PHF13: variants seen among roughly 807,000 people sequenced by gnomAD.
The protein encoded by PHF13 is PHD finger protein 13, also known as PHD zinc finger protein PHF5.
In PHF13, 1 loss-of-function variant was observed where a neutral mutation model predicts 25.8. The observed-to-expected ratio is 0.04, with a 90% CI of 0.01 to 0.18. The LOEUF (loss-of-function observed/expected upper bound fraction) is 0.18. Among genes scored for constraint, PHF13 ranks in the 10% least tolerant of loss-of-function variants. PHF13 has a pLI of 1.00. For synonymous variants in PHF13, 195 were observed against 162.4 expected (o/e 1.20, Z -1.53); for missense variants, 306 against 403.2 (o/e 0.76, Z 2.06).
intron 1 of PHF13, chr1:6,614,313 G>C: frequency 1.9e-6 from 1 of 512,904 alleles, no homozygotes; most frequent in Non-Finnish European, 3.3e-6. Context: ...CGTCCCCTCC[G>C]CGGACCTCCG....
At chr1:6,616,928 G>A in intron 2 of PHF13, 70 bp downstream of exon 2, 1 of 1,385,226 alleles carries the variant, frequency 7.2e-7, no homozygotes, top group Non-Finnish European at 1.0e-6. Context: ...GCAAGTTCGT[G>A]GGCTTCTGAC....
intron 2 of PHF13, among the ~76,000 whole-genome samples, chr1:6,617,472 C>G (rs573829149): frequency 5.3e-5 from 8 of 152,306 alleles, no homozygotes; most frequent in Non-Finnish European, 1.0e-4. Flanking sequence ...GAGTCTGGCT[C>G]TGTCGCCCAG....
Position 6,620,259 on chromosome 1 carries a change from A to G in PHF13, c.598A>G (p.Ile200Val), listed in dbSNP as rs1249855112. The G allele has an allele frequency of 5.0e-6, 8 of 1,613,904 alleles. No individual in the cohort carries two copies. The highest frequency in any genetic ancestry group is 2.2e-5 in the East Asian group (1 of 44,902). ...KEIKTEGKRT[I>V]VRQGKQVVFR... ...AATAAAAACTGAAGGCAAACGGACT[A>G]TCGTCCGGCAGGGAAAGCAGGTGGT... The change falls in exon 3 of 4, where the codon ATC becomes GTC. Residue 200 changes from isoleucine to valine, a missense_variant. Physicochemically the swap from Ile to Val is conservative, Grantham distance 29. Transcript: ENST00000377648.
intron 1 of PHF13, 39 bp from the exon 2 acceptor site, chr1:6,616,718 T>C: frequency 6.4e-7 from 1 of 1,551,288 alleles, no homozygotes; most frequent in Non-Finnish European, 8.9e-7. Flanking sequence ...CCTGGAAGCC[T>C]CTCCTTCAAA....
rs888592661 is a variant in PHF13 at position 6,622,627 on chromosome 1, G to T, written c.*990G>T. ...GAGCCCTCTCCGTTGGGTGACTCTT[G>T]TGTGCCCTTTAGACAGGCTGGCCTG... On this transcript the variant is annotated 3_prime_UTR_variant, in exon 4 of 4. Transcript: ENST00000377648. 3 of 151,240 alleles carry T rather than the reference G, an allele frequency of 2.0e-5. No homozygotes were observed. The highest frequency in any genetic ancestry group is 2.9e-5 in the Non-Finnish European group (2 of 68,040). 9.4% of individuals were successfully genotyped at this position (151,240 alleles called of 1,614,324 possible). A position where few individuals can be genotyped will look rare whatever the true frequency, so the allele number is the denominator to read the frequency against.
chr1:6,617,447 T>A (rs897342069), intron 2 of PHF13, among the ~76,000 whole-genome samples: 8 of 152,022 alleles, frequency 5.3e-5, no homozygotes, highest in Non-Finnish European at 1.0e-4. Context: ...TCTTTTTGTT[T>A]GTTTGTTTGA....
chr1:6,614,415 C>T (rs1213252194), intron 1 of PHF13: 13 of 364,552 alleles, frequency 3.6e-5, no homozygotes, highest in African/African-American at 2.6e-4. Context: ...TGGGACCTGT[C>T]GGCGCCCCCA....
intron 2 of PHF13, among the ~76,000 whole-genome samples, chr1:6,618,654 C>CT (rs1259457553): frequency 6.6e-6 from 1 of 151,684 alleles, no homozygotes; most frequent in South Asian, 2.1e-4. Context: ...TTCTTTTTTT[C>CT]TTTTTTTGAG....
chr1:6,619,729 G>A, intron 2 of PHF13, 74 bp from the exon 3 acceptor site: 1 of 1,451,534 alleles, frequency 6.9e-7, no homozygotes, highest in South Asian at 1.3e-5. Flanking sequence ...GACATGGCTG[G>A]GTGGCTGGGG....
At chr1:6,616,371 G>A (rs949535495) in intron 1 of PHF13, among the ~76,000 whole-genome samples, 3 of 152,286 alleles carry the variant, frequency 2.0e-5, no homozygotes, top group Non-Finnish European at 4.4e-5. Context: ...AGTTCCAGCT[G>A]CTGCTGCAGC....
At chr1:6,620,476 A>C in intron 3 of PHF13, 139 bp downstream of exon 3, 1 of 986,454 alleles carries the variant, frequency 1.0e-6, no homozygotes, top group Non-Finnish European at 1.5e-6. Flanking sequence ...CAAGGAGGAG[A>C]AAAGCTGCAG....
chr1:6,616,767 C>T lies in PHF13; in HGVS notation c.50C>T (p.Pro17Leu), dbSNP rs748551989. ...AAAFHPEEYS[P>L]SCKRRRTVED... is the part of the protein sequence containing the mutation. ...CTCTCCCCTTAATAGGAATACTCCC[C>T]CAGTTGCAAGAGGCGCAGGACCGTG... Residue 17 changes from proline to leucine, a missense_variant, in exon 2 of 4, where the codon CCC becomes CTC. By Grantham distance (98) the Pro-to-Leu change is moderately conservative (BLOSUM62 -3). Coordinates refer to ENST00000377648, the MANE Select transcript of PHF13 (RefSeq NM_153812.3). 3 of 1,613,848 alleles carry T rather than the reference C, an allele frequency of 1.9e-6. No individual in the cohort carries two copies. Among genetic ancestry groups the T allele is most frequent in the South Asian group, 1.1e-5 (1 of 91,092 alleles).
rs1447946254 is a variant in PHF13 at position 6,616,754 on chromosome 1, T to C, written c.40-3T>C. 1.9e-6 allele frequency: 3 copies of C among 1,612,684 alleles called. No individual in the cohort carries two copies. The highest frequency in any genetic ancestry group is 2.5e-6 in the Non-Finnish European group (3 of 1,178,666). ...CACATTCCCTTTTCTCTCCCCTTAA[T>C]AGGAATACTCCCCCAGTTGCAAGAG... On this transcript the variant is annotated splice_region_variant and splice_polypyrimidine_tract_variant and intron_variant, in intron 1 of 3. Transcript: ENST00000377648.
intron 1 of PHF13, among the ~76,000 whole-genome samples, chr1:6,615,546 G>GC (rs891295587): frequency 3.3e-5 from 5 of 152,136 alleles, no homozygotes; most frequent in Non-Finnish European, 7.4e-5. Context: ...CGAGACCCCT[G>GC]CCCCCCATTT....
At chr1:6,614,253 GC>G in intron 1 of PHF13, 148 bp downstream of exon 1, 2 of 487,252 alleles carry the variant, frequency 4.1e-6, no homozygotes, top group Non-Finnish European at 6.7e-6. Flanking sequence ...CCCAACCCCC[GC>G]CCCCTGCTCG....
Position 6,614,047 on chromosome 1 carries a change from C to T in PHF13, c.-20C>T. 1 of 1,590,258 alleles carries T rather than the reference C, an allele frequency of 6.3e-7. No individual in the cohort carries two copies. The highest frequency in any genetic ancestry group is 8.5e-7 in the Non-Finnish European group (1 of 1,170,068). ...CCAGCTCCTGCACTCTCGCAGCCGC[C>T]GCCGCCCCCCGCCCGGAACATGGAC... On this transcript the variant is annotated 5_prime_UTR_variant, in exon 1 of 4. Transcript: ENST00000377648.
At position 6,621,893 on chromosome 1, in the gene PHF13, G is replaced by T. The variant is rs1385268835; in HGVS notation, c.*256G>T. 5.5e-6 allele frequency: 3 copies of T among 544,388 alleles called. No individual in the cohort carries two copies. The highest frequency in any genetic ancestry group is 9.9e-6 in the Non-Finnish European group (3 of 301,774). The allele number at this position is 544,388 out of a possible 1,614,324, so 33.7% of individuals were successfully genotyped here. ...GGTGGACTGGACACCCACGTGCAGCGGGTTTGGCTCATTTGAAAATGAGGG... is the reference window on the plus strand; with the variant it reads ...GGTGGACTGGACACCCACGTGCAGCTGGTTTGGCTCATTTGAAAATGAGGG... On this transcript the variant is annotated 3_prime_UTR_variant, in exon 4 of 4. Transcript: ENST00000377648. The surrounding 1 kb of genome is among the most constrained non-coding windows in gnomAD (Gnocchi z 4.8).
Position 6,621,621 on chromosome 1 carries a change from A to G in PHF13, c.887A>G (p.Lys296Arg). 6.2e-7 allele frequency: 1 copy of G among 1,614,090 alleles called. No individual in the cohort carries two copies. Among genetic ancestry groups the G allele is most frequent in the South Asian group, 1.1e-5 (1 of 91,088 alleles). Residue 296 changes from lysine (K) to arginine (R), a missense_variant, in exon 4 of 4, where the codon AAG (lysine) becomes AGG (arginine). By Grantham distance (26) the Lys-to-Arg change is conservative. Around this residue, in one of 5 missense-constraint regions of PHF13, gnomAD observed 40 missense variants for 71.6 expected, o/e 0.56. Coordinates refer to ENST00000377648, the MANE Select transcript of PHF13 (RefSeq NM_153812.3). This position sits in a 1 kb window ranked among gnomAD's most constrained non-coding sequence, Gnocchi z 4.8. ...AACCGCTCGCGGACGGGCTCCCGGAAGCTGTTCCTGGACTGACTGCTGGCT... is the reference window on the plus strand; with the variant it reads ...AACCGCTCGCGGACGGGCTCCCGGAGGCTGTTCCTGGACTGACTGCTGGCT... ...RSNRSRTGSR[K>R]LFLD
In PHF13 at chr1:6,622,454, C is replaced by G. The variant is rs1357434666; in HGVS notation, c.*817C>G. The G allele has an allele frequency of 6.6e-6, 1 of 152,538 alleles. No individual in the cohort carries two copies. The highest frequency in any genetic ancestry group is 2.4e-5 in the African/African-American group (1 of 41,360). The allele number at this position is 152,538 out of a possible 1,614,324, so 9.4% of individuals were successfully genotyped here. A position where few individuals can be genotyped will look rare whatever the true frequency, so the allele number is the denominator to read the frequency against. ...TTGGTGTGTGAGGTCTTGGTGGGCT[C>G]AGGCCAGCTGTTTGCGAGTGTGGGA... On this transcript the variant is annotated 3_prime_UTR_variant, in exon 4 of 4. Transcript: ENST00000377648.
Sources: allele counts gnomAD v4.1 joint callset (sites outside exome capture counted in the v4.1 genomes callset), GRCh38; gene constraint gnomAD v4.1.1; regional missense constraint gnomAD v4.1.1; non-coding constraint Gnocchi (gnomAD v3.1); transcripts MANE v1.5; gene names NCBI Gene and HGNC (gene_info 2026-07-23, HGNC 2026-07-21).